PRPF4: variants seen among roughly 807,000 people sequenced by gnomAD.
PRPF4 encodes U4/U6 small nuclear ribonucleoprotein Prp4.
Under a neutral mutation model 72.2 loss-of-function variants are expected in PRPF4, and 14 were observed. That is an observed-to-expected ratio of 0.19 (90% CI 0.13 to 0.30). The LOEUF (loss-of-function observed/expected upper bound fraction) is 0.30, where lower values mean the gene tolerates loss of function less well. PRPF4 is among the 10% of genes least tolerant of loss of function. The pLI is 1.00. For synonymous variants in PRPF4, 225 were observed against 232.2 expected (o/e 0.97, Z 0.28); for missense variants, 478 against 653.9 (o/e 0.73, Z 2.93).
rs1832632077 is a variant in PRPF4 at position 113,292,305 on chromosome 9, G to A, written c.*645G>A. On this transcript the variant is annotated 3_prime_UTR_variant, in exon 14 of 14. Coordinates refer to ENST00000374198, the MANE Select transcript of PRPF4 (RefSeq NM_001244926.2). ...TCTGCATTTTTAATTCTTGAAACTT[G>A]GCTTTCCATAACATGGTACATGCTT... 1 of 152,244 alleles carries A rather than the reference G, an allele frequency of 6.6e-6. No homozygotes were observed. The allele number at this position is 152,244 out of a possible 1,614,324, so 9.4% of individuals were successfully genotyped here.
In PRPF4 at chr9:113,292,371, T is replaced by C. The variant is rs915399982; in HGVS notation, c.*711T>C. 10 of 152,238 alleles carry C rather than the reference T, an allele frequency of 6.6e-5. No homozygotes were observed. The highest frequency in any genetic ancestry group is 2.4e-4 in the African/African-American group (10 of 41,452). The allele number at this position is 152,238 out of a possible 1,614,324, so 9.4% of individuals were successfully genotyped here. ...CCCAGAGAGCAAGGTGGCTGAACTA[T>C]AGTCTGGAAGCCCTCAGGTAAAGAG... is the stretch of plus-strand genomic sequence containing the variant. On this transcript the variant is annotated 3_prime_UTR_variant, in exon 14 of 14. Transcript: ENST00000374198.
chr9:113,285,284 CTTGAGCCCAGGAGT>C (rs1253051479), intron 7 of PRPF4, among the ~76,000 whole-genome samples: 1 of 144,992 alleles, frequency 6.9e-6, no homozygotes, highest in Non-Finnish European at 1.5e-5. Flanking sequence ...AGGAGGATCA[CTTGAGCCCAGGAGT>C]TTGAGACCAG....
intron 9 of PRPF4, among the ~76,000 whole-genome samples, chr9:113,287,514 T>A (rs1832485161): frequency 6.6e-6 from 1 of 152,148 alleles, no homozygotes; most frequent in Non-Finnish European, 1.5e-5. Flanking sequence ...AAGCACCCTG[T>A]TGGCCAAAAG....
intron 4 of PRPF4, 132 bp from the exon 5 acceptor site, chr9:113,283,000 T>G: frequency 6.7e-7 from 1 of 1,500,648 alleles, no homozygotes; most frequent in Non-Finnish European, 9.0e-7. Flanking sequence ...CAGTAGAAAG[T>G]CCTCTGCCTG....
Position 113,291,474 on chromosome 9 carries a change from T to C in PRPF4, c.1380T>C (p.His460=), listed in dbSNP as rs781311649. ...CCTTCTCTTCTCCTGTAGCTATCCA[T>C]GGGAACTTCTTGCTTACTGGTGCCT... The part of the protein sequence containing the change: ...LVTGVKFEPI[H]GNFLLTGAYD... Residue 460 remains histidine, a synonymous_variant, in exon 14 of 14, where the codon CAT becomes CAC. Transcript: ENST00000374198. 1 of 1,612,878 alleles carries C rather than the reference T, an allele frequency of 6.2e-7. No individual in the cohort carries two copies. Among genetic ancestry groups the C allele is most frequent in the African/African-American group, 1.3e-5 (1 of 75,034 alleles).
At chr9:113,286,172 A>C in intron 7 of PRPF4, 60 bp from the exon 8 acceptor site, 2 of 1,557,502 alleles carry the variant, frequency 1.3e-6, no homozygotes, top group Non-Finnish European at 1.8e-6. Flanking sequence ...TAATATTACC[A>C]AGGTACCTTT....
In PRPF4 at chr9:113,292,301, A is replaced by T. The variant is rs1350982809; in HGVS notation, c.*641A>T. Reference sequence around the variant, plus strand: ...TGACTCTGCATTTTTAATTCTTGAAACTTGGCTTTCCATAACATGGTACAT... The same window carrying T: ...TGACTCTGCATTTTTAATTCTTGAATCTTGGCTTTCCATAACATGGTACAT... On this transcript the variant is annotated 3_prime_UTR_variant, in exon 14 of 14. Coordinates refer to ENST00000374198, the MANE Select transcript of PRPF4 (RefSeq NM_001244926.2). 1.3e-5 allele frequency: 2 copies of T among 152,342 alleles called. No individual in the cohort carries two copies. Among genetic ancestry groups the T allele is most frequent in the African/African-American group, 4.8e-5 (2 of 41,444 alleles). 9.4% of individuals were successfully genotyped at this position (152,342 alleles called of 1,614,324 possible). A position where few individuals can be genotyped will look rare whatever the true frequency, so the allele number is the denominator to read the frequency against.
At chr9:113,290,368 G>A (rs1832572533) in intron 10 of PRPF4, 98 bp from the exon 11 acceptor site, 1 of 1,521,712 alleles carries the variant, frequency 6.6e-7, no homozygotes, top group South Asian at 1.2e-5. Context: ...AGTTTCAGAA[G>A]CATTAATAAC....
Position 113,284,276 on chromosome 9 carries a change from T to C in PRPF4, c.655-19T>C. The C allele has an allele frequency of 3.9e-6, 6 of 1,539,722 alleles. No individual in the cohort carries two copies. Among genetic ancestry groups the C allele is most frequent in the Non-Finnish European group, 5.4e-6 (6 of 1,112,828 alleles). The stretch of plus-strand genomic sequence containing the variant: ...AACCTATTAATGATCACCGTGTGTG[T>C]ATTTTTTTTCTTTTTAAGTCTTTGA... On this transcript the variant is annotated intron_variant, in intron 6 of 13. Transcript: ENST00000374198.
At chr9:113,287,384 A>G (rs1396240565) in intron 9 of PRPF4, among the ~76,000 whole-genome samples, 4 of 152,102 alleles carry the variant, frequency 2.6e-5, no homozygotes, top group African/African-American at 9.7e-5. Context: ...GTCTAGCAGT[A>G]TTACCACGGA....
intron 2 of PRPF4, among the ~76,000 whole-genome samples, chr9:113,277,995 T>C (rs1040565991): frequency 1.3e-5 from 2 of 152,300 alleles, no homozygotes; most frequent in South Asian, 4.1e-4. Context: ...AAAAAAGTTA[T>C]TTTCTTTTAA....
At position 113,283,374 on chromosome 9, in the gene PRPF4, G is replaced by GT; in HGVS notation, c.561-12dup. On this transcript the variant is annotated splice_polypyrimidine_tract_variant and intron_variant, in intron 5 of 13. Coordinates refer to ENST00000374198, the MANE Select transcript of PRPF4 (RefSeq NM_001244926.2). ...CAACCCTGTTGCTCCTGGTGATGGT[G>GT]TTTCTGTGTCGCAGGGCAATGAAAC... is the stretch of plus-strand genomic sequence containing the variant. 1.2e-6 allele frequency: 2 copies of GT among 1,614,098 alleles called. No homozygotes were observed. Among genetic ancestry groups the GT allele is most frequent in the Non-Finnish European group, 1.7e-6 (2 of 1,179,990 alleles).
Position 113,290,778 on chromosome 9 carries a change from A to C in PRPF4, c.1224A>C (p.Glu408Asp). 3 of 1,614,222 alleles carry C rather than the reference A, an allele frequency of 1.9e-6. No individual in the cohort carries two copies. Among genetic ancestry groups the C allele is most frequent in the Non-Finnish European group, 2.5e-6 (3 of 1,180,042 alleles). ...CIMFLEGHLK[E>D]IYGINFSPNG... is the part of the protein sequence containing the mutation. ...TGTTCTTAGAAGGCCACCTGAAAGA[A>C]ATCTATGGAATAAATTTCTCCCCCA... Residue 408 changes from glutamate (E) to aspartate (D), a missense_variant, in exon 12 of 14, where the codon GAA becomes GAC. Transcript: ENST00000374198.
intron 10 of PRPF4, among the ~76,000 whole-genome samples, chr9:113,288,562 G>A (rs768401176): frequency 5.3e-5 from 8 of 151,560 alleles, no homozygotes; most frequent in East Asian, 1.9e-4. Context: ...TCGACCTCCC[G>A]AGTAGCTGGG....
chr9:113,291,509 C>T lies in PRPF4; in HGVS notation c.1415C>T (p.Thr472Ile). ...NFLLTGAYDN[T>I]AKIWTHPGWS... Reference sequence around the variant, plus strand: ...TTGCTTACTGGTGCCTATGATAACACAGCCAAGATCTGGACGCACCCAGGC... The same window carrying T: ...TTGCTTACTGGTGCCTATGATAACATAGCCAAGATCTGGACGCACCCAGGC... The change falls in exon 14 of 14, where the codon ACA becomes ATA. Residue 472 changes from threonine to isoleucine, a missense_variant. By Grantham distance (89) the Thr-to-Ile change is moderately conservative. Transcript: ENST00000374198. 6.2e-7 allele frequency: 1 copy of T among 1,614,152 alleles called. No homozygotes were observed. Among genetic ancestry groups the T allele is most frequent in the Non-Finnish European group, 8.5e-7 (1 of 1,180,004 alleles).
In PRPF4 at chr9:113,282,716, A is replaced by G. The variant is rs1218067337; in HGVS notation, c.463A>G (p.Lys155Glu). 1.2e-6 allele frequency: 2 copies of G among 1,608,074 alleles called. No individual in the cohort carries two copies. Among genetic ancestry groups the G allele is most frequent in the Admixed American group, 3.3e-5 (2 of 59,958 alleles). The part of the protein sequence containing the change: ...KKTKKDDEKS[K>E]KSKEEYQQTW... Reference sequence around the variant, plus strand: ...GACCAAAAAGGATGATGAGAAGTCTAAAAAGTCCAAAGAAGAGGTAGAACA... The same window carrying G: ...GACCAAAAAGGATGATGAGAAGTCTGAAAAGTCCAAAGAAGAGGTAGAACA... The change falls in exon 4 of 14, where the codon AAA becomes GAA. Residue 155 changes from lysine (K) to glutamate (E), a missense_variant. Lys to Glu is a moderately conservative substitution (Grantham distance 56). Coordinates refer to ENST00000374198, the MANE Select transcript of PRPF4 (RefSeq NM_001244926.2).
intron 8 of PRPF4, 89 bp from the exon 9 acceptor site, chr9:113,286,616 T>A (rs1200923099): frequency 1.4e-6 from 2 of 1,464,216 alleles, no homozygotes; most frequent in Non-Finnish European, 1.9e-6. Flanking sequence ...GTCACTTGAA[T>A]ACTCTGTATG....
At position 113,290,770 on chromosome 9, in the gene PRPF4, C is replaced by G. The variant is rs1403765200; in HGVS notation, c.1216C>G (p.Leu406Val). Residue 406 changes from leucine to valine, a missense_variant, in exon 12 of 14, where the codon CTG becomes GTG. By Grantham distance (32) the Leu-to-Val change is conservative (BLOSUM62 1). Transcript: ENST00000374198. ...GRCIMFLEGH[L>V]KEIYGINFSP... Reference sequence around the variant, plus strand: ...TTGTATCATGTTCTTAGAAGGCCACCTGAAAGAAATCTATGGAATAAATTT... The same window carrying G: ...TTGTATCATGTTCTTAGAAGGCCACGTGAAAGAAATCTATGGAATAAATTT... 3 of 1,614,158 alleles carry G rather than the reference C, an allele frequency of 1.9e-6. No individual in the cohort carries two copies. The highest frequency in any genetic ancestry group is 2.5e-6 in the Non-Finnish European group (3 of 1,180,040).
chr9:113,279,272 C>T, intron 3 of PRPF4, 141 bp downstream of exon 3: 2 of 775,972 alleles, frequency 2.6e-6, no homozygotes. Flanking sequence ...TATGAGTTAG[C>T]CCATAATCTG....
Sources: gnomAD v4.1 joint callset for allele counts (sites outside exome capture counted in the v4.1 genomes callset) on GRCh38, gnomAD v4.1.1 for gene constraint, MANE v1.5 for transcripts, NCBI Gene and HGNC (gene_info 2026-07-23, HGNC 2026-07-21) for gene names.